The following GCFC2 variants were observed in gnomAD, a reference collection of about 807,000 sequenced individuals.
GCFC2 encodes the protein GC-rich sequence DNA-binding factor 2.
GCFC2 carries 102 observed loss-of-function variants against 99.4 expected under a neutral mutation model. The observed-to-expected ratio is 1.03, with a 90% confidence interval of 0.87 to 1.21. The LOEUF (loss-of-function observed/expected upper bound fraction) is 1.21, where lower values mean the gene tolerates loss of function less well. Among genes scored for constraint, GCFC2 ranks in the 50% most tolerant of loss-of-function variants. The pLI, the probability that GCFC2 is intolerant of heterozygous loss-of-function variation, is 0.00. For missense variants in GCFC2, 973 were observed against 920.9 expected, an observed-to-expected ratio of 1.06 and a Z score of -0.73; for synonymous variants, 338 against 316.8, an observed-to-expected ratio of 1.07 and a Z score of -0.71.
upstream of GCFC2, chr2:75,711,196 C>G (rs1681169143): frequency 1.0e-6 from 1 of 985,374 alleles, no homozygotes; most frequent in Non-Finnish European, 1.2e-6. Context: ...ATCCAGAAAT[C>G]AAGCGTTATG....
At chr2:75,673,622 T>C (rs758478496) in intron 12 of GCFC2, 102 bp from the exon 13 acceptor site, 67 of 640,560 alleles carry the variant, frequency 1.0e-4, no homozygotes, top group Non-Finnish European at 1.6e-4. Flanking sequence ...CACACTCACA[T>C]AACCAGCTGT....
At chr2:75,706,182 C>A (rs1680854471) in intron 2 of GCFC2, among the ~76,000 whole-genome samples, 1 of 152,168 alleles carries the variant, frequency 6.6e-6, no homozygotes, top group South Asian at 2.1e-4. Context: ...ACATACCTTC[C>A]CTAGAGTTTC....
At chr2:75,673,106 C>G (rs371622521) in intron 13 of GCFC2, among the ~76,000 whole-genome samples, 1,885 of 151,970 alleles carry the variant, frequency 0.012, 17 homozygotes, top group African/African-American at 0.018. Context: ...GTCAGGAGAT[C>G]GAGACCATCC....
chr2:75,678,542 T>C (rs1679443500), intron 12 of GCFC2, among the ~76,000 whole-genome samples: 2 of 152,140 alleles, frequency 1.3e-5, no homozygotes, highest in Admixed American at 1.3e-4. Context: ...ATTATTTCCT[T>C]ATCCCCACTG....
intron 12 of GCFC2, among the ~76,000 whole-genome samples, chr2:75,676,583 T>G (rs1679349685): frequency 6.6e-6 from 1 of 152,156 alleles, no homozygotes; most frequent in Non-Finnish European, 1.5e-5. Context: ...GTGGGTATTA[T>G]CACCAAATAT....
intron 3 of GCFC2, chr2:75,701,749 A>C (rs1251554264): frequency 2.2e-6 from 1 of 458,004 alleles, no homozygotes; most frequent in Non-Finnish European, 2.9e-6. Context: ...GGTCAAATGC[A>C]TATATCATAA....
chr2:75,690,166 C>G, intron 8 of GCFC2, 85 bp from the exon 9 acceptor site: 1 of 727,218 alleles, frequency 1.4e-6, no homozygotes, highest in Non-Finnish European at 2.4e-6. Context: ...TAACCTCTTG[C>G]TGAAAATAAG....
intron 11 of GCFC2, among the ~76,000 whole-genome samples, chr2:75,680,918 T>G (rs1679545929): frequency 6.6e-6 from 1 of 152,210 alleles, no homozygotes; most frequent in African/African-American, 2.4e-5. Context: ...ACTTGTCTCC[T>G]ATTCCTATGG....
At chr2:75,689,316 T>C (rs909683752) in intron 9 of GCFC2, 91 bp from the exon 10 acceptor site, 11 of 653,568 alleles carry the variant, frequency 1.7e-5, no homozygotes, top group South Asian at 8.1e-5. Context: ...CTGTAATCAA[T>C]TGAGCTAAAA....
At chr2:75,690,441 T>G in intron 8 of GCFC2, 197 bp downstream of exon 8, 1 of 544,622 alleles carries the variant, frequency 1.8e-6, no homozygotes, top group South Asian at 2.4e-5. Context: ...ACCCATTCCT[T>G]TTAACTGATC....
intron 4 of GCFC2, among the ~76,000 whole-genome samples, chr2:75,698,186 T>G (rs1231156139): frequency 6.6e-6 from 1 of 152,224 alleles, no homozygotes; most frequent in African/African-American, 2.4e-5. Flanking sequence ...GGTAAAATAT[T>G]CCCATGATAT....
intron 13 of GCFC2, 142 bp downstream of exon 13, chr2:75,673,302 A>C (rs1011594429): frequency 4.2e-5 from 25 of 601,850 alleles, no homozygotes; most frequent in African/African-American, 2.1e-4. Context: ...AGTGAGACTC[A>C]GTCTCAAAAG....
intron 4 of GCFC2, among the ~76,000 whole-genome samples, chr2:75,696,633 T>G (rs1157966561): frequency 6.6e-6 from 1 of 152,228 alleles, no homozygotes; most frequent in Non-Finnish European, 1.5e-5. Flanking sequence ...TCATGAATAT[T>G]AATTTGTGGA....
intron 12 of GCFC2, among the ~76,000 whole-genome samples, chr2:75,677,892 T>G (rs1056310578): frequency 6.6e-6 from 1 of 151,480 alleles, no homozygotes; most frequent in Admixed American, 6.6e-5. Flanking sequence ...GCAGGAGAAT[T>G]GCTTGAACCT....
intron 11 of GCFC2, 135 bp from the exon 12 acceptor site, chr2:75,680,449 T>C: frequency 1.7e-6 from 1 of 603,398 alleles, no homozygotes; most frequent in Non-Finnish European, 2.8e-6. Context: ...TTATTACCAT[T>C]ACATATTTGC....
chr2:75,704,657 G>A (rs1680754189), intron 2 of GCFC2, among the ~76,000 whole-genome samples: 1 of 152,208 alleles, frequency 6.6e-6, no homozygotes, highest in African/African-American at 2.4e-5. Flanking sequence ...TACAACCACT[G>A]CCTTATCCTG....
Position 75,670,244 on chromosome 2 carries a change from T to A in GCFC2, c.1997A>T (p.Asp666Val), listed in dbSNP as rs554883127. 4.4e-6 allele frequency: 7 copies of A among 1,606,804 alleles called. No individual in the cohort carries two copies. The South Asian group carries it at 5.5e-5, about 13-fold the overall frequency. The change falls in exon 15 of 17, where the codon GAT (aspartate) becomes GTT (valine). Residue 666 changes from aspartate to valine, a missense_variant. Coordinates refer to ENST00000321027, the MANE Select transcript of GCFC2 (RefSeq NM_003203.5). ...TAGTCCTAGTTCTTGCAAGGTGTCA[T>A]CTGTAAGGAGTCCATTCCAAAGAAG... ...NILLWNGLLT[D>V]DTLQELGLGK...
intron 11 of GCFC2, among the ~76,000 whole-genome samples, chr2:75,682,099 G>A (rs1268869733): frequency 1.3e-5 from 2 of 151,850 alleles, no homozygotes; most frequent in East Asian, 1.9e-4. Flanking sequence ...CTCTGCTAAG[G>A]GACACACTGC....
In GCFC2 at chr2:75,710,874, C is replaced by G. The variant is rs74454342; in HGVS notation, c.-19G>C. 7 of 1,533,344 alleles carry G rather than the reference C, an allele frequency of 4.6e-6. No individual in the cohort carries two copies. The highest frequency in any genetic ancestry group is 2.3e-4 in the Middle Eastern group (1 of 4,334). 95.0% of individuals were successfully genotyped at this position (1,533,344 alleles called of 1,614,324 possible). ...GAGCCATGGCCGAGGCCCGAGCGCC[C>G]GGCGCCCTAGAACCCGCTGAACCGC... On this transcript the variant is annotated 5_prime_UTR_variant, in exon 1 of 17. Coordinates refer to ENST00000321027, the MANE Select transcript of GCFC2 (RefSeq NM_003203.5).
Sources: allele counts gnomAD v4.1 joint callset (sites outside exome capture counted in the v4.1 genomes callset), GRCh38; gene constraint gnomAD v4.1.1; transcripts MANE v1.5; gene names NCBI Gene and HGNC (gene_info 2026-07-23, HGNC 2026-07-21).